CPAMD8: variants seen among roughly 807,000 people sequenced by gnomAD.
CPAMD8 encodes C3 and PZP-like alpha-2-macroglobulin domain-containing protein 8.
Under a neutral mutation model 224.7 loss-of-function variants are expected in CPAMD8, and 146 were observed. That is an observed-to-expected ratio of 0.65 (90% confidence interval 0.57 to 0.75). The LOEUF is 0.75. Ranked by LOEUF, CPAMD8 falls within the 30% of genes least tolerant of loss-of-function variation. CPAMD8 has a pLI of 0.00. For missense variants in CPAMD8, 2,301 were observed against 2,537.5 expected (o/e 0.91, Z 2.00); for synonymous variants, 966 against 1,044.6 (o/e 0.92, Z 1.45).
Position 16,902,690 on chromosome 19 carries a change from C to G in CPAMD8, c.4644G>C (p.Gln1548His). ...PADDDDPAAD[Q>H]HHQEYKVMLE... The stretch of plus-strand genomic sequence containing the variant: ...GCATCACCTTGTATTCCTGGTGATG[C>G]TGATCGGCCGCTGGGTCATCATCGT... The change falls in exon 35 of 42, where the codon CAG becomes CAC. Residue 1548 changes from glutamine to histidine, a missense_variant. Coordinates refer to ENST00000443236, the MANE Select transcript of CPAMD8 (RefSeq NM_015692.5). 3 of 1,609,734 alleles carry G rather than the reference C, an allele frequency of 1.9e-6. No homozygotes were observed. Among genetic ancestry groups the G allele is most frequent in the Non-Finnish European group, 2.5e-6 (3 of 1,178,360 alleles).
rs372591331 is a variant in CPAMD8 at position 16,906,598 on chromosome 19, T to C, written c.4027+354A>G. 3.3e-5 allele frequency among the ~76,000 whole-genome samples: 5 copies of C among 151,710 alleles called. No homozygotes were observed. In the East Asian group the frequency reaches 7.8e-4, roughly 24 times the overall value. ...TTTGTATTTTTAGGAGAGACGGGGT[T>C]TCACCATATTGGCCCGGCTGGTCTC... On this transcript the variant is annotated intron_variant, in intron 30 of 41. Coordinates refer to ENST00000443236, the MANE Select transcript of CPAMD8 (RefSeq NM_015692.5).
At chr19:17,009,420 C>T in intron 5 of CPAMD8, 100 bp from the exon 6 acceptor site, 2 of 1,597,398 alleles carry the variant, frequency 1.3e-6, no homozygotes, top group South Asian at 1.1e-5. Flanking sequence ...CAGGCAGTCG[C>T]TGTTATGGGT....
At position 16,896,636 on chromosome 19, in the gene CPAMD8, C is replaced by T; in HGVS notation, c.5095G>A (p.Val1699Met). ...GWFPGESGPA[V>M]APEEGAAIAR... The stretch of plus-strand genomic sequence containing the variant: ...ATCGCCGCCCCCTCCTCAGGGGCCA[C>T]GGCAGGGCCCGACTCGCCGGGGAAC... Residue 1699 changes from valine (V) to methionine (M), a missense_variant, in exon 40 of 42, where the codon GTG (valine) becomes ATG (methionine). Transcript: ENST00000443236. The T allele has an allele frequency of 6.7e-7, 1 of 1,485,690 alleles. No individual in the cohort carries two copies. The highest frequency in any genetic ancestry group is 8.9e-7 in the Non-Finnish European group (1 of 1,121,954). 92.0% of individuals were successfully genotyped at this position (1,485,690 alleles called of 1,614,324 possible).
chr19:16,937,650 CTT>C (rs550702792), intron 23 of CPAMD8, among the ~76,000 whole-genome samples: 2,396 of 116,698 alleles, frequency 0.021, 56 homozygotes, highest in African/African-American at 0.072. Context: ...TAACTTCATA[CTT>C]TTTTTTTTTT....
intron 29 of CPAMD8, among the ~76,000 whole-genome samples, chr19:16,908,261 A>G (rs938144291): frequency 6.6e-6 from 1 of 152,092 alleles, no homozygotes; most frequent in Non-Finnish European, 1.5e-5. Flanking sequence ...CAGAAGGCTG[A>G]GGCAGGCACA....
intron 23 of CPAMD8, 100 bp from the exon 24 acceptor site, chr19:16,929,340 G>A: frequency 1.1e-6 from 1 of 938,586 alleles, no homozygotes; most frequent in East Asian, 2.4e-5. Flanking sequence ...ACAAGGAGTG[G>A]GTCTCACTGT....
At chr19:16,977,565 G>GGTGGTGAATTCTCC in intron 14 of CPAMD8, 25 bp from the exon 15 acceptor site, 1 of 1,551,486 alleles carries the variant, frequency 6.4e-7, no homozygotes, top group Non-Finnish European at 8.7e-7. Context: ...AGTAGAGAGA[G>GGTGGTGAATTCTCC]GTGGTGAATT....
intron 41 of CPAMD8, 118 bp downstream of exon 41, chr19:16,896,058 G>C (rs770080467): frequency 3.5e-6 from 4 of 1,129,140 alleles, no homozygotes; most frequent in Admixed American, 1.7e-5. Flanking sequence ...CACTGCCAGT[G>C]GGGGGTCGGG....
Position 16,970,877 on chromosome 19 carries a change from G to C in CPAMD8, c.2213+14C>G. On this transcript the variant is annotated intron_variant, in intron 18 of 41. Coordinates refer to ENST00000443236, the MANE Select transcript of CPAMD8 (RefSeq NM_015692.5). Reference sequence around the variant, plus strand: ...CCAGGGTTAGAAAACCTTGCTCAATGTATAAGCCGTTACCTGGGGGGGTGC... The same window carrying C: ...CCAGGGTTAGAAAACCTTGCTCAATCTATAAGCCGTTACCTGGGGGGGTGC... 2.5e-6 allele frequency: 4 copies of C among 1,612,670 alleles called. No homozygotes were observed. Among genetic ancestry groups the C allele is most frequent in the Non-Finnish European group, 3.4e-6 (4 of 1,179,388 alleles).
rs201590774 is a variant in CPAMD8, at chr19:16,943,383, C to CTTTA, written c.2793+2162_2793+2165dup. The stretch of plus-strand genomic sequence containing the variant: ...ATCCACGTTGTAGCATGGATCAGTG[C>CTTTA]TTTATTTATTTATTTATTTATTCAT... On this transcript the variant is annotated intron_variant, in intron 22 of 41. Transcript: ENST00000443236. Among the ~76,000 whole-genome samples, 1,462 of 151,658 alleles carry CTTTA rather than the reference C, an allele frequency of 9.6e-3. 12 individuals carry two copies. Among genetic ancestry groups the CTTTA allele is most frequent in the Non-Finnish European group, 0.01 (709 of 67,926 alleles).
chr19:16,980,076 C>G (rs1396523148), intron 14 of CPAMD8, among the ~76,000 whole-genome samples: 1 of 152,012 alleles, frequency 6.6e-6, no homozygotes, highest in Admixed American at 6.5e-5. Context: ...GTTGGGGACC[C>G]TGTATTGAGA....
At chr19:17,002,724 C>T (rs187223786) in intron 8 of CPAMD8, among the ~76,000 whole-genome samples, 1 of 152,186 alleles carries the variant, frequency 6.6e-6, no homozygotes, top group African/African-American at 2.4e-5. Flanking sequence ...CCCAGGGTGA[C>T]TGCAACAGAG....
intron 9 of CPAMD8, among the ~76,000 whole-genome samples, chr19:17,001,561 C>A (rs181211616): frequency 1.3e-4 from 19 of 142,206 alleles, no homozygotes; most frequent in Non-Finnish European, 2.2e-4. Context: ...GAATACACAG[C>A]GGGAGAGGGG....
At position 16,947,240 on chromosome 19, in the gene CPAMD8, G is replaced by A; in HGVS notation, c.2509-13C>T. 2 of 1,604,028 alleles carry A rather than the reference G, an allele frequency of 1.2e-6. No homozygotes were observed. The highest frequency in any genetic ancestry group is 8.5e-7 in the Non-Finnish European group (1 of 1,174,376). On this transcript the variant is annotated splice_polypyrimidine_tract_variant and intron_variant, in intron 20 of 41. Transcript: ENST00000443236. ...GCTTCATGTACACCTGCAGAGGGTGGCATTGGCTCATGGCGCCTGGAATCC... is the reference window on the plus strand; with the variant it reads ...GCTTCATGTACACCTGCAGAGGGTGACATTGGCTCATGGCGCCTGGAATCC...
At chr19:16,966,688 G>A (rs1328407590) in intron 18 of CPAMD8, among the ~76,000 whole-genome samples, 1 of 152,160 alleles carries the variant, frequency 6.6e-6, no homozygotes, top group Non-Finnish European at 1.5e-5. Flanking sequence ...CAAAGGATAT[G>A]AACAGACATT....
chr19:16,929,130 C>T lies in CPAMD8; in HGVS notation c.2956G>A (p.Ala986Thr), dbSNP rs181305709. 79 of 1,614,144 alleles carry T rather than the reference C, an allele frequency of 4.9e-5. No individual in the cohort carries two copies. In the Admixed American group the frequency reaches 8.3e-4, roughly 17 times the overall value. ...AVRAHNDARVALSSGPQDTAG... is the reference protein window; with the variant it reads ...AVRAHNDARVTLSSGPQDTAG... ...GTGTCCTGGGGCCCAGAAGACAAGGCCACACGGGCATCATTGTGAGCTCGC... is the reference window on the plus strand; with the variant it reads ...GTGTCCTGGGGCCCAGAAGACAAGGTCACACGGGCATCATTGTGAGCTCGC... The change falls in exon 24 of 42, where the codon GCC becomes ACC. Residue 986 changes from alanine (A) to threonine (T), a missense_variant. By Grantham distance (58) the Ala-to-Thr change is moderately conservative. Around this residue, in one of 4 missense-constraint regions of CPAMD8, gnomAD observed 1,709 missense variants for 1,753.2 expected, o/e 0.97. Transcript: ENST00000443236.
Position 16,899,859 on chromosome 19 carries a change from G to A in CPAMD8, c.4774-310C>T, listed in dbSNP as rs941154563. 1.3e-5 allele frequency among the ~76,000 whole-genome samples: 2 copies of A among 151,496 alleles called. No individual in the cohort carries two copies. The highest frequency in any genetic ancestry group is 2.4e-5 in the African/African-American group (1 of 41,162). ...CGGCTGAGCCCTGCCGCCTGCTGGT[G>A]TCTCAGCTGCACTGTTCAAGTTCCC... On this transcript the variant is annotated intron_variant, in intron 36 of 41. Transcript: ENST00000443236. The surrounding 1 kb of genome is among the most constrained non-coding windows in gnomAD (Gnocchi z 5.4).
chr19:16,974,536 A>C (rs949514682), intron 17 of CPAMD8, among the ~76,000 whole-genome samples: 2 of 151,968 alleles, frequency 1.3e-5, no homozygotes, highest in Non-Finnish European at 2.9e-5. Context: ...AAGCACGTCA[A>C]TGTCATAACA....
Position 16,977,423 on chromosome 19 carries a change from C to T in CPAMD8, c.1703G>A (p.Gly568Glu), listed in dbSNP as rs1382958884. The change falls in exon 15 of 42, where the codon GGA becomes GAA. Residue 568 changes from glycine (G) to glutamate (E), a missense_variant. Gly to Glu is a moderately conservative substitution (Grantham distance 98). This residue lies in a region of CPAMD8 where 301 missense variants were observed against 406.6 expected (regional missense o/e 0.74). Transcript: ENST00000443236. ...CTGAAGGCTGTCGGCGACCCCTTCT[C>T]CATTCTCCCTGACGTAGAAGACCAG... ...RLLVFYVREN[G>E]EGVADSLQFA... 3.7e-6 allele frequency: 6 copies of T among 1,612,694 alleles called. No homozygotes were observed. The highest frequency in any genetic ancestry group is 5.1e-6 in the Non-Finnish European group (6 of 1,179,040).
Sources: gnomAD v4.1 joint callset for allele counts (sites outside exome capture counted in the v4.1 genomes callset) on GRCh38, gnomAD v4.1.1 for gene constraint, gnomAD v4.1.1 regional missense constraint, Gnocchi (gnomAD v3.1) non-coding constraint, MANE v1.5 for transcripts, NCBI Gene and HGNC (gene_info 2026-07-23, HGNC 2026-07-21) for gene names.